Variants in RANBP2 observed in about 807,000 individuals in gnomAD.
RANBP2 encodes the protein RAN binding protein 2, also known as E3 SUMO-protein ligase RanBP2.
RANBP2 carries 57 observed loss-of-function variants against 303.6 expected under a neutral mutation model. The ratio of observed to expected loss-of-function variants is 0.19; its 90% CI spans 0.15 to 0.23. The LOEUF (loss-of-function observed/expected upper bound fraction) is 0.23, where lower values mean the gene tolerates loss of function less well. RANBP2 is among the 10% of genes least tolerant of loss of function. The pLI is 1.00. For synonymous variants in RANBP2, 1,167 were observed against 1,301.5 expected (o/e 0.90, Z 2.23); for missense variants, 3,138 against 3,780.8 (o/e 0.83, Z 4.46).
the RANBP2 span, among the ~76,000 whole-genome samples, chr2:109,042,391 A>T: frequency 6.6e-6 from 1 of 152,032 alleles, no homozygotes; most frequent in East Asian, 1.9e-4. Context: ...TCGGATTTGA[A>T]TGTGTGGATT....
At chr2:109,799,279 C>T in the RANBP2 span, among the ~76,000 whole-genome samples, 7 of 129,480 alleles carry the variant, frequency 5.4e-5, no homozygotes, top group East Asian at 2.2e-4. Flanking sequence ...AGGCCTTGTT[C>T]CTTTATGTGC....
At chr2:108,908,083 C>T in the RANBP2 span, 1 of 1,521,066 alleles carries the variant, frequency 6.6e-7, no homozygotes, top group Non-Finnish European at 8.9e-7. Context: ...GACAAGTTCT[C>T]CTGTGGTGAA....
Position 108,719,672 on chromosome 2 carries a change from T to C in RANBP2, c.66T>C (p.Pro22=). 1 of 1,605,224 alleles carries C rather than the reference T, an allele frequency of 6.2e-7. No individual in the cohort carries two copies. Among genetic ancestry groups the C allele is most frequent in the Non-Finnish European group, 8.5e-7 (1 of 1,177,056 alleles). Reference sequence around the variant, plus strand: ...CGGTGCAGGGCTCCACCCCGTCGCCTCGACAGGTGAGTGGGTCTCGAAGAG... The same window carrying C: ...CGGTGCAGGGCTCCACCCCGTCGCCCCGACAGGTGAGTGGGTCTCGAAGAG... ...IASVQGSTPS[P]RQKSMKGFYF... Residue 22 remains proline, a synonymous_variant, in exon 1 of 29, where the codon CCT becomes CCC. Transcript: ENST00000283195.
At chr2:109,723,758 G>A in the RANBP2 span, among the ~76,000 whole-genome samples, 1 of 152,074 alleles carries the variant, frequency 6.6e-6, no homozygotes, top group Admixed American at 6.5e-5. Flanking sequence ...CTGTGTAGAA[G>A]CTCTTTAGTT....
the RANBP2 span, among the ~76,000 whole-genome samples, chr2:109,283,652 A>C: frequency 6.6e-6 from 1 of 152,224 alleles, no homozygotes; most frequent in African/African-American, 2.4e-5. Flanking sequence ...GATTCAGTGC[A>C]CATGGGGACC....
the RANBP2 span, among the ~76,000 whole-genome samples, chr2:109,548,177 CA>C: frequency 0.52 from 76,170 of 145,586 alleles, 20,332 homozygotes; most frequent in African/African-American, 0.7. Flanking sequence ...TGGCTTACCT[CA>C]AAAAAAAAAA....
At chr2:108,721,860 G>C (rs538578039) in intron 1 of RANBP2, among the ~76,000 whole-genome samples, 1 of 151,914 alleles carries the variant, frequency 6.6e-6, no homozygotes, top group African/African-American at 2.4e-5. Flanking sequence ...TCCCACCTTA[G>C]CCTCCTGGGT....
At chr2:109,207,174 T>G in the RANBP2 span, among the ~76,000 whole-genome samples, 2 of 152,158 alleles carry the variant, frequency 1.3e-5, no homozygotes, top group African/African-American at 4.8e-5. Context: ...AGTGCCACAT[T>G]TTAGAACTAT....
the RANBP2 span, among the ~76,000 whole-genome samples, chr2:109,639,046 T>C: frequency 2.6e-5 from 4 of 152,230 alleles, no homozygotes; most frequent in African/African-American, 9.6e-5. Flanking sequence ...AAGGGGCTAG[T>C]TGACTAATGC....
the RANBP2 span, chr2:109,313,511 C>G: frequency 1.9e-5 from 3 of 154,864 alleles, no homozygotes; most frequent in Admixed American, 1.3e-4. Flanking sequence ...GAGCGCTGTA[C>G]CAGTTGGTCA....
chr2:108,947,300 T>G, the RANBP2 span, among the ~76,000 whole-genome samples: 2 of 152,194 alleles, frequency 1.3e-5, no homozygotes, highest in African/African-American at 4.8e-5. Flanking sequence ...TGTAACTGCT[T>G]TCATGGGCTG....
At chr2:109,015,523 CG>C in the RANBP2 span, among the ~76,000 whole-genome samples, 1 of 152,056 alleles carries the variant, frequency 6.6e-6, no homozygotes, top group African/African-American at 2.4e-5. Flanking sequence ...TTTGGGAGGC[CG>C]AGGTGGGTGG....
At chr2:108,827,129 T>C in the RANBP2 span, among the ~76,000 whole-genome samples, 12 of 152,176 alleles carry the variant, frequency 7.9e-5, no homozygotes, top group Non-Finnish European at 1.8e-4. Context: ...AACATTATTC[T>C]AAAGCAAAAT....
the RANBP2 span, among the ~76,000 whole-genome samples, chr2:109,200,319 C>T: frequency 2.0e-5 from 3 of 152,116 alleles, no homozygotes; most frequent in Non-Finnish European, 2.9e-5. Flanking sequence ...CAGACCCTGC[C>T]GCAGAACTCA....
chr2:108,748,134 A>AG (rs1435993021), intron 8 of RANBP2, among the ~76,000 whole-genome samples: 6 of 151,954 alleles, frequency 3.9e-5, no homozygotes, highest in Admixed American at 1.3e-4. Flanking sequence ...ACTTTATCCG[A>AG]GACTATGATT....
At chr2:109,228,227 G>A in the RANBP2 span, among the ~76,000 whole-genome samples, 7 of 152,132 alleles carry the variant, frequency 4.6e-5, no homozygotes, top group Non-Finnish European at 1.0e-4. Flanking sequence ...CTAGTCCCCA[G>A]GAATGTGCTT....
At chr2:109,419,507 C>A in the RANBP2 span, 7 of 1,558,986 alleles carry the variant, frequency 4.5e-6, no homozygotes, top group African/African-American at 9.5e-5. Flanking sequence ...GTCTCTGTCT[C>A]CTCACTCCTG....
the RANBP2 span, among the ~76,000 whole-genome samples, chr2:109,705,480 A>G: frequency 6.6e-6 from 1 of 152,242 alleles, no homozygotes; most frequent in Non-Finnish European, 1.5e-5. Context: ...GAAGATGCTT[A>G]GTTAGACGCA....
At chr2:109,633,830 G>A in the RANBP2 span, among the ~76,000 whole-genome samples, 1 of 151,980 alleles carries the variant, frequency 6.6e-6, no homozygotes, top group African/African-American at 2.4e-5. Flanking sequence ...GGGTTGATGT[G>A]CAAAAAGTCA....
Sources: allele counts gnomAD v4.1 joint callset (sites outside exome capture counted in the v4.1 genomes callset), GRCh38; gene constraint gnomAD v4.1.1; transcripts MANE v1.5; gene names NCBI Gene and HGNC (gene_info 2026-07-23, HGNC 2026-07-21).